The following FOXP1 variants were observed in gnomAD, a reference collection of about 807,000 sequenced individuals.
FOXP1 encodes the protein forkhead box protein P1.
Under a neutral mutation model 98.2 loss-of-function variants are expected in FOXP1, and 15 were observed. The ratio of observed to expected loss-of-function variants is 0.15; its 90% CI spans 0.10 to 0.24. FOXP1 has a LOEUF of 0.24. Among genes scored for constraint, FOXP1 ranks in the 10% least tolerant of loss-of-function variants. The pLI is 1.00. For missense variants in FOXP1, 633 were observed against 848.5 expected (o/e 0.75, Z 3.15); for synonymous variants, 371 against 314.5 (o/e 1.18, Z -1.90).
At chr3:71,122,972 T>C (rs917005550) in intron 6 of FOXP1, among the ~76,000 whole-genome samples, 4 of 152,106 alleles carry the variant, frequency 2.6e-5, no homozygotes, top group Non-Finnish European at 5.9e-5. Context: ...GAAGGGTCTT[T>C]TCTCAGTGTC....
chr3:71,278,275 G>GA (rs1364500880), intron 5 of FOXP1, among the ~76,000 whole-genome samples: 2 of 152,160 alleles, frequency 1.3e-5, no homozygotes, highest in African/African-American at 4.8e-5. Flanking sequence ...TTTACAGTCA[G>GA]AAAAGTCTTA....
chr3:71,405,567 T>A (rs759097663), intron 3 of FOXP1, among the ~76,000 whole-genome samples: 11 of 151,992 alleles, frequency 7.2e-5, no homozygotes, highest in Non-Finnish European at 1.6e-4. Context: ...GCCAGGTAGA[T>A]CTGATTCCAC....
chr3:71,532,247 G>A (rs1185371526), intron 2 of FOXP1, among the ~76,000 whole-genome samples: 2 of 152,084 alleles, frequency 1.3e-5, no homozygotes, highest in East Asian at 3.9e-4. Context: ...CTACAGATGT[G>A]TGCCACCACA....
chr3:71,481,770 A>G (rs532803462), intron 3 of FOXP1, among the ~76,000 whole-genome samples: 1 of 151,692 alleles, frequency 6.6e-6, no homozygotes, highest in Admixed American at 6.6e-5. Context: ...AGAAACACCC[A>G]TTTCATTTCT....
intron 3 of FOXP1, among the ~76,000 whole-genome samples, chr3:71,490,917 T>G (rs575775977): frequency 6.6e-6 from 1 of 152,348 alleles, no homozygotes; most frequent in Non-Finnish European, 1.5e-5. Context: ...TTCAATACCT[T>G]CAGAATTCTA....
intron 3 of FOXP1, among the ~76,000 whole-genome samples, chr3:71,368,604 C>G (rs2079078982): frequency 1.6e-5 from 1 of 60,802 alleles, no homozygotes; most frequent in African/African-American, 6.0e-5. Context: ...CCAAAGTAAT[C>G]AATTGTTGGG....
At chr3:71,528,408 C>G (rs1480163156) in intron 2 of FOXP1, among the ~76,000 whole-genome samples, 1 of 152,218 alleles carries the variant, frequency 6.6e-6, no homozygotes, top group Non-Finnish European at 1.5e-5. Flanking sequence ...ACCGCCTAAA[C>G]AGAATTATCA....
At chr3:71,310,569 T>C (rs1464632089) in intron 4 of FOXP1, among the ~76,000 whole-genome samples, 1 of 152,246 alleles carries the variant, frequency 6.6e-6, no homozygotes, top group Non-Finnish European at 1.5e-5. Context: ...ACGTCTGGTT[T>C]ACTTCTGTTT....
rs149643680 is a variant in FOXP1, at chr3:71,436,168, G to C, written c.-168+57258C>G. Reference sequence around the variant, plus strand: ...TATTTCCCAAACTGTTCCTGGTATGGGCTCTTCAGGTCATCAAAAGGCATT... The same window carrying C: ...TATTTCCCAAACTGTTCCTGGTATGCGCTCTTCAGGTCATCAAAAGGCATT... On this transcript the variant is annotated intron_variant, in intron 3 of 20. Coordinates refer to ENST00000649528, the MANE Select transcript of FOXP1 (RefSeq NM_001349338.3). Among the ~76,000 whole-genome samples, 380 of 151,722 alleles carry C rather than the reference G, an allele frequency of 2.5e-3. 4 individuals are homozygous for C. Among genetic ancestry groups the C allele is most frequent in the African/African-American group, 8.2e-3 (337 of 41,274 alleles).
intron 7 of FOXP1, among the ~76,000 whole-genome samples, chr3:71,068,049 G>A (rs1234319807): frequency 6.7e-6 from 1 of 149,774 alleles, no homozygotes; most frequent in Non-Finnish European, 1.5e-5. Context: ...AGGGGATATC[G>A]AGGGGTAAGC....
chr3:71,241,544 C>T (rs1483740541), intron 5 of FOXP1, among the ~76,000 whole-genome samples: 2 of 152,172 alleles, frequency 1.3e-5, no homozygotes, highest in African/African-American at 2.4e-5. Context: ...CATCTTCTGT[C>T]GTGCATTATT....
chr3:71,090,767 C>T (rs1052149213), intron 7 of FOXP1, among the ~76,000 whole-genome samples: 1 of 152,102 alleles, frequency 6.6e-6, no homozygotes, highest in African/African-American at 2.4e-5. Flanking sequence ...GCACAGAAGA[C>T]CTACAGAAGT....
chr3:70,967,703 T>TTTTG (rs2035213519), intron 19 of FOXP1, among the ~76,000 whole-genome samples: 1 of 119,698 alleles, frequency 8.4e-6, no homozygotes, highest in Admixed American at 7.9e-5. Flanking sequence ...TTTTTTTGTT[T>TTTTG]TTTTTTGTTT....
At chr3:71,564,186 A>T (rs2046743520) in intron 2 of FOXP1, among the ~76,000 whole-genome samples, 1 of 152,214 alleles carries the variant, frequency 6.6e-6, no homozygotes, top group Admixed American at 6.5e-5. Flanking sequence ...TAAGGTAATT[A>T]ACCTGATGTT....
At chr3:71,502,273 C>T (rs1485276778) in intron 2 of FOXP1, among the ~76,000 whole-genome samples, 10 of 152,224 alleles carry the variant, frequency 6.6e-5, no homozygotes, top group Admixed American at 5.9e-4. Flanking sequence ...GGCCCGGTCC[C>T]CAAGGCCCAG....
Position 70,972,190 on chromosome 3 carries a change from G to A in FOXP1, c.1652+365C>T, listed in dbSNP as rs920500841. The A allele has an allele frequency of 3.3e-5, 50 of 1,515,818 alleles. No homozygotes were observed. The African/African-American group carries it at 5.6e-4, about 17-fold the overall frequency. The allele number at this position is 1,515,818 out of a possible 1,614,324, so 93.9% of individuals were successfully genotyped here. A position where few individuals can be genotyped will look rare whatever the true frequency, so the allele number is the denominator to read the frequency against. The stretch of plus-strand genomic sequence containing the variant: ...TGGTGCGAATGGCACCCTGGGATAG[G>A]AGCAGCAGCAAAGGAGATGGAGTGG... On this transcript the variant is annotated intron_variant, in intron 18 of 20. Coordinates refer to ENST00000649528, the MANE Select transcript of FOXP1 (RefSeq NM_001349338.3).
chr3:71,193,766 T>G (rs781403554), intron 6 of FOXP1, among the ~76,000 whole-genome samples: 1 of 152,148 alleles, frequency 6.6e-6, no homozygotes, highest in Non-Finnish European at 1.5e-5. Flanking sequence ...CCCCTTTGAA[T>G]GTACATAACT....
intron 13 of FOXP1, among the ~76,000 whole-genome samples, chr3:71,000,347 T>C (rs2041956751): frequency 6.6e-6 from 1 of 151,974 alleles, no homozygotes; most frequent in Non-Finnish European, 1.5e-5. Context: ...TATCTGATTA[T>C]GTGCATGTGT....
At chr3:71,441,558 G>A (rs932647785) in intron 3 of FOXP1, among the ~76,000 whole-genome samples, 2 of 152,226 alleles carry the variant, frequency 1.3e-5, no homozygotes, top group African/African-American at 4.8e-5. Context: ...CTAGGAGAAT[G>A]ATCCTACGAT....
Sources: gnomAD v4.1 joint callset for allele counts (sites outside exome capture counted in the v4.1 genomes callset) on GRCh38, gnomAD v4.1.1 for gene constraint, MANE v1.5 for transcripts, NCBI Gene and HGNC (gene_info 2026-07-23, HGNC 2026-07-21) for gene names.